Variants in ATF3 observed in about 807,000 individuals in gnomAD.
ATF3 encodes activating transcription factor 3.
Under a neutral mutation model 18.4 loss-of-function variants are expected in ATF3, and 10 were observed. That is an observed-to-expected ratio of 0.54 (90% CI 0.34 to 0.92). The LOEUF is 0.92. ATF3 is among the 40% of genes least tolerant of loss of function. The pLI is 0.02. For synonymous variants in ATF3, 78 were observed against 87.9 expected (o/e 0.89, Z 0.63); for missense variants, 183 against 222.3 (o/e 0.82, Z 1.12).
chr1:212,575,685 C>T (rs1664565655), intron 1 of ATF3, among the ~76,000 whole-genome samples: 1 of 152,038 alleles, frequency 6.6e-6, no homozygotes, highest in Non-Finnish European at 1.5e-5. Context: ...AGGAAAGTTG[C>T]CTTCTATACC....
rs1251017366 is a variant in ATF3, at chr1:212,597,959, G to T, written c.-4-17059G>T. On this transcript the variant is annotated intron_variant, in intron 1 of 3. Transcript: ENST00000366981. ...CAAGGAGTGCTTGATACATAATTAAGCCAGGATTTGATTTGGATGGAATCT... is the reference window on the plus strand; with the variant it reads ...CAAGGAGTGCTTGATACATAATTAATCCAGGATTTGATTTGGATGGAATCT... 2.0e-5 allele frequency among the ~76,000 whole-genome samples: 3 copies of T among 152,162 alleles called. No individual in the cohort carries two copies. The East Asian group carries it at 5.8e-4, about 29-fold the overall frequency.
chr1:212,620,013 G>T lies in ATF3; in HGVS notation c.*458G>T, dbSNP rs1571800698. 4.7e-6 allele frequency: 1 copy of T among 211,586 alleles called. No individual in the cohort carries two copies. Among genetic ancestry groups the T allele is most frequent in the Non-Finnish European group, 9.7e-6 (1 of 102,948 alleles). The allele number at this position is 211,586 out of a possible 1,614,324, so 13.1% of individuals were successfully genotyped here. A position where few individuals can be genotyped will look rare whatever the true frequency, so the allele number is the denominator to read the frequency against. On this transcript the variant is annotated 3_prime_UTR_variant, in exon 4 of 4. Transcript: ENST00000341491. ...TTAGTGAAGTTGTGCAACGGCCAGGGTTGTGCTTTCTAGCAAATATGCTGT... is the reference window on the plus strand; with the variant it reads ...TTAGTGAAGTTGTGCAACGGCCAGGTTTGTGCTTTCTAGCAAATATGCTGT...
upstream of ATF3, among the ~76,000 whole-genome samples, chr1:212,604,983 G>A (rs1485573832): frequency 6.6e-6 from 1 of 152,126 alleles, no homozygotes; most frequent in African/African-American, 2.4e-5. Flanking sequence ...CCTCTTGATT[G>A]TCATTCCTGG....
intron 1 of ATF3, among the ~76,000 whole-genome samples, chr1:212,584,974 G>C (rs1664751014): frequency 6.6e-6 from 1 of 152,174 alleles, no homozygotes; most frequent in Admixed American, 6.5e-5. Flanking sequence ...CAGCCCTGTG[G>C]CTGCCCATTC....
chr1:212,575,008 G>GCA (rs58035364), intron 1 of ATF3, among the ~76,000 whole-genome samples: 1,673 of 151,474 alleles, frequency 0.011, 35 homozygotes, highest in African/African-American at 0.039. Flanking sequence ...TAAGAATTGT[G>GCA]CACACACACA....
rs1655327478 is a variant in ATF3 at position 212,620,197 on chromosome 1, T to A, written c.*642T>A. ...CACCACGTGCAGTATCTCAAGATATTCAGGTGGCCAGAAGAGCTTGTCAGC... is the reference window on the plus strand; with the variant it reads ...CACCACGTGCAGTATCTCAAGATATACAGGTGGCCAGAAGAGCTTGTCAGC... On this transcript the variant is annotated 3_prime_UTR_variant, in exon 4 of 4. Transcript: ENST00000341491. 6.5e-6 allele frequency: 1 copy of A among 153,558 alleles called. No homozygotes were observed. Among genetic ancestry groups the A allele is most frequent in the Non-Finnish European group, 1.5e-5 (1 of 68,824 alleles). 9.5% of individuals were successfully genotyped at this position (153,558 alleles called of 1,614,324 possible).
chr1:212,603,080 G>A (rs1200248976), intron 1 of ATF3, among the ~76,000 whole-genome samples: 1 of 152,318 alleles, frequency 6.6e-6, no homozygotes, highest in Non-Finnish European at 1.5e-5. Flanking sequence ...TGGCTATGGT[G>A]TCTTTTAGTT....
intron 1 of ATF3, among the ~76,000 whole-genome samples, chr1:212,595,325 CTCTTGG>C (rs137989455): frequency 0.041 from 6,304 of 152,280 alleles, 459 homozygotes; most frequent in African/African-American, 0.14. Context: ...GATATAGAGC[CTCTTGG>C]CTCTAACCTT....
intron 1 of ATF3, among the ~76,000 whole-genome samples, chr1:212,569,550 A>T (rs967608631): frequency 2.0e-5 from 3 of 152,208 alleles, no homozygotes; most frequent in African/African-American, 7.2e-5. Flanking sequence ...GTGTGTCCAC[A>T]GTGGAGACGC....
chr1:212,618,583 G>C lies in ATF3; in HGVS notation c.348+349G>C. The C allele has an allele frequency of 2.5e-6, 1 of 400,890 alleles. No homozygotes were observed. Among genetic ancestry groups the C allele is most frequent in the East Asian group, 5.4e-5 (1 of 18,450 alleles). The allele number at this position is 400,890 out of a possible 1,614,324, so 24.8% of individuals were successfully genotyped here. Reference sequence around the variant, plus strand: ...TTTTCCTGAGAAAAGGAAGCTGCCAGCTCTCATTTGGCTCACTATGAAAAG... The same window carrying C: ...TTTTCCTGAGAAAAGGAAGCTGCCACCTCTCATTTGGCTCACTATGAAAAG... On this transcript the variant is annotated intron_variant, in intron 3 of 3. Transcript: ENST00000341491. The surrounding 1 kb of genome is among the most constrained non-coding windows in gnomAD (Gnocchi z 4.4).
At chr1:212,594,008 G>T (rs941553081) in intron 1 of ATF3, among the ~76,000 whole-genome samples, 1 of 152,220 alleles carries the variant, frequency 6.6e-6, no homozygotes, top group African/African-American at 2.4e-5. Context: ...GCACATGGGT[G>T]CTCACTCAGA....
At chr1:212,602,248 G>T (rs886494903) in intron 1 of ATF3, among the ~76,000 whole-genome samples, 16 of 152,206 alleles carry the variant, frequency 1.1e-4, no homozygotes, top group African/African-American at 3.9e-4. Context: ...TAGCTAAGGT[G>T]CCCCTAAAAT....
chr1:212,604,260 G>C (rs1384895144), upstream of ATF3, among the ~76,000 whole-genome samples: 1 of 152,142 alleles, frequency 6.6e-6, no homozygotes, highest in Admixed American at 6.5e-5. Flanking sequence ...GTAAACCTGT[G>C]GATGAATCCC....
At position 212,618,609 on chromosome 1, in the gene ATF3, C is replaced by G. The variant is rs1296230852; in HGVS notation, c.348+375C>G. On this transcript the variant is annotated intron_variant, in intron 3 of 3. Coordinates refer to ENST00000341491, the MANE Select transcript of ATF3 (RefSeq NM_001674.4). The surrounding 1 kb of genome is among the most constrained non-coding windows in gnomAD (Gnocchi z 4.4). ...CTCTCATTTGGCTCACTATGAAAAG[C>G]CTTTAATTAATCTCTTCAAACAAGT... 6 of 390,254 alleles carry G rather than the reference C, an allele frequency of 1.5e-5. No homozygotes were observed. The highest frequency in any genetic ancestry group is 1.2e-4 in the African/African-American group (6 of 48,954). The allele number at this position is 390,254 out of a possible 1,614,324, so 24.2% of individuals were successfully genotyped here. A position where few individuals can be genotyped will look rare whatever the true frequency, so the allele number is the denominator to read the frequency against.
At chr1:212,602,680 G>T (rs1295174261) in intron 1 of ATF3, among the ~76,000 whole-genome samples, 1 of 152,136 alleles carries the variant, frequency 6.6e-6, no homozygotes, top group African/African-American at 2.4e-5. Flanking sequence ...GTCCATCAAA[G>T]GGTGGTTACA....
intron 1 of ATF3, among the ~76,000 whole-genome samples, chr1:212,582,880 C>T (rs1482231619): frequency 2.6e-5 from 4 of 152,060 alleles, no homozygotes; most frequent in Non-Finnish European, 5.9e-5. Flanking sequence ...GTTTACACAC[C>T]GAGAAACAGA....
intron 1 of ATF3, among the ~76,000 whole-genome samples, chr1:212,611,786 C>A (rs531012460): frequency 6.6e-6 from 1 of 152,278 alleles, no homozygotes; most frequent in African/African-American, 2.4e-5. Flanking sequence ...CATGAGTAAA[C>A]TTTCACTTTC....
chr1:212,566,151 G>A (rs1254464175), intron 1 of ATF3, among the ~76,000 whole-genome samples: 2 of 152,192 alleles, frequency 1.3e-5, no homozygotes, highest in Non-Finnish European at 2.9e-5. Flanking sequence ...TTGTTTGGCA[G>A]CTGGTTCTGC....
At chr1:212,570,609 C>G (rs959116159) in intron 1 of ATF3, among the ~76,000 whole-genome samples, 6 of 152,202 alleles carry the variant, frequency 3.9e-5, no homozygotes, top group African/African-American at 1.4e-4. Flanking sequence ...CTCGTGTTCT[C>G]TCCCAGCTGG....
Sources: allele counts gnomAD v4.1 joint callset (sites outside exome capture counted in the v4.1 genomes callset), GRCh38; gene constraint gnomAD v4.1.1; non-coding constraint Gnocchi (gnomAD v3.1); transcripts MANE v1.5; gene names NCBI Gene and HGNC (gene_info 2026-07-23, HGNC 2026-07-21).